The following DMD variants were observed in gnomAD, a reference collection of about 807,000 sequenced individuals.
DMD encodes mutant dystrophin.
DMD carries 63 observed loss-of-function variants against 330.1 expected under a neutral mutation model. That is an observed-to-expected ratio of 0.19 (90% CI 0.16 to 0.24). DMD has a LOEUF of 0.24. Among genes scored for constraint, DMD ranks in the 10% least tolerant of loss-of-function variants. The pLI, the probability that DMD is intolerant of heterozygous loss-of-function variation, is 1.00. For missense variants in DMD, 3,344 were observed against 2,684.1 expected, an observed-to-expected ratio of 1.25 and a Z score of -5.43; for synonymous variants, 1,223 against 959.8, an observed-to-expected ratio of 1.27 and a Z score of -5.07.
At chrX:31,495,648 A>G (rs1398312468) in intron 57 of DMD, among the ~76,000 whole-genome samples, 1 of 112,277 alleles carries the variant, frequency 8.9e-6, no homozygotes, top group African/African-American at 3.2e-5. Context: ...TTCGGTATGA[A>G]AGGTATACTG....
At chrX:31,915,562 G>A (rs1005310095) in intron 47 of DMD, among the ~76,000 whole-genome samples, 8 of 111,724 alleles carry the variant, frequency 7.2e-5, no homozygotes, top group Non-Finnish European at 5.6e-5. Context: ...ATAAAGACAA[G>A]TGTCTGTCTG....
At chrX:32,727,381 T>C (rs918159118) in intron 7 of DMD, among the ~76,000 whole-genome samples, 3 of 111,142 alleles carry the variant, frequency 2.7e-5, no homozygotes, top group Admixed American at 9.6e-5. Flanking sequence ...CACGAGACCA[T>C]TGAGTTTATA....
At chrX:32,820,649 T>C (rs935413407) in intron 5 of DMD, among the ~76,000 whole-genome samples, 1 of 111,258 alleles carries the variant, frequency 9.0e-6, no homozygotes, top group African/African-American at 3.3e-5. Context: ...GCTCTGTGCA[T>C]GCTTGAGTTC....
At chrX:32,775,531 A>G (rs1393462602) in intron 7 of DMD, among the ~76,000 whole-genome samples, 1 of 113,132 alleles carries the variant, frequency 8.8e-6, no homozygotes, top group Non-Finnish European at 1.9e-5. Flanking sequence ...AGAACACCAC[A>G]TGGAAGCTGC....
At chrX:32,508,809 C>CT (rs1244775594) in intron 18 of DMD, among the ~76,000 whole-genome samples, 266 of 105,364 alleles carry the variant, frequency 2.5e-3, no homozygotes, top group Middle Eastern at 5.1e-3. Context: ...ATTTAGGAAA[C>CT]TTTTTTTTTT....
chrX:31,755,740 T>C (rs2089013857), intron 51 of DMD, among the ~76,000 whole-genome samples: 1 of 111,983 alleles, frequency 8.9e-6, no homozygotes, highest in Non-Finnish European at 1.9e-5. Context: ...TTTTATTTCC[T>C]CATGGTTATA....
At chrX:32,480,968 T>C (rs999092135) in intron 21 of DMD, among the ~76,000 whole-genome samples, 1 of 110,879 alleles carries the variant, frequency 9.0e-6, no homozygotes, top group African/African-American at 3.3e-5. Context: ...AAAATAAAAT[T>C]TTAAAATAAA....
At chrX:31,799,059 G>C (rs2091949809) in intron 50 of DMD, among the ~76,000 whole-genome samples, 1 of 111,660 alleles carries the variant, frequency 9.0e-6, no homozygotes, top group East Asian at 2.8e-4. Flanking sequence ...AGAAGACTCT[G>C]ATCCCCAGCT....
intron 1 of DMD, among the ~76,000 whole-genome samples, chrX:33,246,492 G>T (rs2052664603): frequency 9.0e-6 from 1 of 111,082 alleles, no homozygotes; most frequent in South Asian, 3.8e-4. Context: ...CTTTAGTGTG[G>T]CCCTTACTGT....
chrX:32,547,472 AC>A (rs1404614138), intron 16 of DMD, among the ~76,000 whole-genome samples: 1 of 111,197 alleles, frequency 9.0e-6, no homozygotes, highest in East Asian at 2.8e-4. Flanking sequence ...AATCACTACT[AC>A]ACTGTAATTG....
intron 62 of DMD, among the ~76,000 whole-genome samples, chrX:31,298,350 G>C (rs969131176): frequency 2.7e-5 from 3 of 110,146 alleles, no homozygotes; most frequent in Non-Finnish European, 5.7e-5. Context: ...ATAAGTGCTA[G>C]ATATGCCACT....
intron 62 of DMD, among the ~76,000 whole-genome samples, chrX:31,275,158 TGTGTG>T (rs2051997930): frequency 8.6e-5 from 1 of 11,617 alleles, no homozygotes; most frequent in African/African-American, 8.1e-4. Flanking sequence ...TCAGGTTTTG[TGTGTG>T]TGTGTGTGTG....
chrX:31,885,331 C>T (rs765836986), intron 47 of DMD, among the ~76,000 whole-genome samples: 11 of 111,253 alleles, frequency 9.9e-5, no homozygotes, highest in South Asian at 3.8e-4. Context: ...TCATCTGGGC[C>T]GGGCGCGGTG....
rs2092644151 is a variant in DMD, at chrX:31,816,833, A to G, written c.7309+3142T>C. Among the ~76,000 whole-genome samples the G allele has an allele frequency of 6.2e-5, 4 of 64,154 alleles. No individual in the cohort carries two copies. In the South Asian group the frequency reaches 2.1e-3, roughly 33 times the overall value. The allele number at this position is 64,154 out of a possible 115,157, so 55.7% of individuals were successfully genotyped here. ...ACACACACACACACAAAGAAAAAAG[A>G]AAGAAAGAAAAGAAAAAACACGGAA... On this transcript the variant is annotated intron_variant, in intron 50 of 78. Transcript: ENST00000357033.
At chrX:31,897,935 C>T (rs2094367140) in intron 47 of DMD, among the ~76,000 whole-genome samples, 1 of 110,564 alleles carries the variant, frequency 9.0e-6, no homozygotes, top group South Asian at 3.9e-4. Flanking sequence ...TAATTAGATC[C>T]CATTTGTCAA....
intron 63 of DMD, among the ~76,000 whole-genome samples, chrX:31,226,245 G>A (rs192020579): frequency 8.9e-6 from 1 of 111,910 alleles, no homozygotes; most frequent in African/African-American, 3.2e-5. Flanking sequence ...CTTGTTCCGT[G>A]TTGTTAAACT....
intron 7 of DMD, among the ~76,000 whole-genome samples, chrX:32,806,999 C>A (rs1286679904): frequency 9.2e-6 from 1 of 108,302 alleles, no homozygotes; most frequent in Non-Finnish European, 1.9e-5. Context: ...CGGGAAAGAT[C>A]TAAAATCAAC....
intron 9 of DMD, among the ~76,000 whole-genome samples, chrX:32,685,621 G>T (rs1168686399): frequency 9.0e-6 from 1 of 111,318 alleles, no homozygotes; most frequent in Non-Finnish European, 1.9e-5. Context: ...CTCATCATTG[G>T]CATCATTACA....
intron 51 of DMD, among the ~76,000 whole-genome samples, chrX:31,762,299 G>A (rs1238478672): frequency 2.7e-5 from 3 of 109,517 alleles, no homozygotes; most frequent in Non-Finnish European, 5.7e-5. Context: ...TGCTGGGCAC[G>A]GTGGCTCACG....
Sources: allele counts gnomAD v4.1 joint callset (sites outside exome capture counted in the v4.1 genomes callset), GRCh38; gene constraint gnomAD v4.1.1; transcripts MANE v1.5; gene names NCBI Gene and HGNC (gene_info 2026-07-23, HGNC 2026-07-21).